The following SCTR variants were observed in gnomAD, a reference collection of about 807,000 sequenced individuals.
SCTR encodes pancreatic secretin receptor.
In SCTR, 56 loss-of-function variants were observed where a neutral mutation model predicts 60.8. The ratio of observed to expected loss-of-function variants is 0.92; its 90% CI spans 0.74 to 1.15. SCTR has a LOEUF of 1.15. Among genes scored for constraint, SCTR ranks in the 50% most tolerant of loss-of-function variants. The pLI is 0.00. For missense variants in SCTR, 562 were observed against 550.4 expected, an observed-to-expected ratio of 1.02 and a Z score of -0.21; for synonymous variants, 202 against 217.0, an observed-to-expected ratio of 0.93 and a Z score of 0.61.
chr2:119,463,579 A>G (rs116012703), intron 6 of SCTR, among the ~76,000 whole-genome samples: 49 of 152,240 alleles, frequency 3.2e-4, no homozygotes, highest in African/African-American at 1.2e-3. Context: ...TAAGACCCCA[A>G]TATATAGTTT....
intron 1 of SCTR, among the ~76,000 whole-genome samples, chr2:119,495,869 T>C (rs1678327346): frequency 6.6e-6 from 1 of 152,208 alleles, no homozygotes; most frequent in Non-Finnish European, 1.5e-5. Flanking sequence ...CCCAGCCAGC[T>C]CTAGGATCAT....
At chr2:119,441,730 C>CA (rs1340222526) in intron 11 of SCTR, 131 bp from the exon 12 acceptor site, 1 of 785,396 alleles carries the variant, frequency 1.3e-6, no homozygotes, top group Non-Finnish European at 2.1e-6. Flanking sequence ...TCTCTTGCCT[C>CA]ACTGGGAATT....
intron 1 of SCTR, among the ~76,000 whole-genome samples, chr2:119,505,885 A>G (rs1678724700): frequency 6.6e-6 from 1 of 152,234 alleles, no homozygotes; most frequent in African/African-American, 2.4e-5. Flanking sequence ...AAAGATATAC[A>G]GATGGCAAAC....
chr2:119,474,066 C>T (rs765900226), intron 3 of SCTR, among the ~76,000 whole-genome samples: 6 of 152,326 alleles, frequency 3.9e-5, no homozygotes, highest in East Asian at 1.9e-4. Flanking sequence ...GAGGGTCCTT[C>T]GGCCACGACC....
chr2:119,487,691 G>A (rs1158505173), intron 2 of SCTR, among the ~76,000 whole-genome samples: 2 of 152,164 alleles, frequency 1.3e-5, no homozygotes, highest in Non-Finnish European at 2.9e-5. Flanking sequence ...CTATTAGGGT[G>A]ACCCTGAAAC....
At chr2:119,507,663 CTTT>C (rs751779879) in intron 1 of SCTR, among the ~76,000 whole-genome samples, 4 of 114,786 alleles carry the variant, frequency 3.5e-5, no homozygotes, top group African/African-American at 1.3e-4. Context: ...CTTTCTCGTT[CTTT>C]TTTTTTTTTT....
At chr2:119,507,330 A>G (rs1250918468) in intron 1 of SCTR, among the ~76,000 whole-genome samples, 3 of 152,222 alleles carry the variant, frequency 2.0e-5, no homozygotes, top group African/African-American at 4.8e-5. Flanking sequence ...TCAGAGAAAA[A>G]TCTGGAAGAA....
chr2:119,517,001 G>A (rs866944128), intron 1 of SCTR, among the ~76,000 whole-genome samples: 2 of 151,934 alleles, frequency 1.3e-5, no homozygotes, highest in African/African-American at 2.4e-5. Context: ...ACACTGTATC[G>A]TACACTGGAA....
At chr2:119,472,959 C>T (rs549031318) in intron 4 of SCTR, among the ~76,000 whole-genome samples, 21 of 152,294 alleles carry the variant, frequency 1.4e-4, no homozygotes, top group African/African-American at 4.6e-4. Flanking sequence ...TTACTGTGAC[C>T]AGGCGCCCAA....
At chr2:119,511,384 T>C (rs954215552) in intron 1 of SCTR, among the ~76,000 whole-genome samples, 1 of 152,222 alleles carries the variant, frequency 6.6e-6, no homozygotes, top group Admixed American at 6.5e-5. Flanking sequence ...TAGTGAAGAA[T>C]GGTCTACATT....
Position 119,464,259 on chromosome 2 carries a change from C to T in SCTR, c.504-4G>A. The T allele has an allele frequency of 6.2e-7, 1 of 1,614,072 alleles. No homozygotes were observed. Among genetic ancestry groups the T allele is most frequent in the Non-Finnish European group, 8.5e-7 (1 of 1,179,988 alleles). The stretch of plus-strand genomic sequence containing the variant: ...GTTGCGAGTGCAGTGGAGCCTCCTG[C>T]AGGGAGAGAATGTAGGGACATAGAG... On this transcript the variant is annotated splice_polypyrimidine_tract_variant and splice_region_variant and intron_variant, in intron 5 of 12. Coordinates refer to ENST00000019103, the MANE Select transcript of SCTR (RefSeq NM_002980.3).
At chr2:119,441,460 A>G in intron 12 of SCTR, 98 bp downstream of exon 12, 1 of 954,908 alleles carries the variant, frequency 1.0e-6, no homozygotes. Flanking sequence ...GACCCTTTCC[A>G]TCCCCCTTCC....
intron 6 of SCTR, among the ~76,000 whole-genome samples, chr2:119,462,767 C>G (rs960717590): frequency 1.3e-5 from 2 of 152,208 alleles, no homozygotes; most frequent in Admixed American, 6.5e-5. Context: ...AAGACAAGCC[C>G]GAGAAGGAGG....
chr2:119,502,837 A>AG (rs890366190), intron 1 of SCTR, among the ~76,000 whole-genome samples: 2 of 150,994 alleles, frequency 1.3e-5, no homozygotes, highest in African/African-American at 4.9e-5. Flanking sequence ...AAAAAAAAAA[A>AG]GAAAGAAAGA....
rs1490774044 is a variant in SCTR at position 119,524,170 on chromosome 2, G to C, written c.57C>G (p.Ala19=). ...LQQLLLPVLL[A]CAAHSTGALP... ...CAGTACTCACCGAGTGCGCGGCGCA[G>C]GCGAGCAGCACCGGCAGTAGTAGCT... Residue 19 remains alanine (A), a synonymous_variant, in exon 1 of 13, where the codon GCC becomes GCG. Transcript: ENST00000019103. 8.5e-6 allele frequency: 13 copies of C among 1,536,618 alleles called. No homozygotes were observed. Among genetic ancestry groups the C allele is most frequent in the Non-Finnish European group, 1.1e-5 (12 of 1,140,470 alleles).
chr2:119,504,659 C>T (rs549495466), intron 1 of SCTR, among the ~76,000 whole-genome samples: 1 of 151,808 alleles, frequency 6.6e-6, no homozygotes, highest in Non-Finnish European at 1.5e-5. Flanking sequence ...AAATCTAAAG[C>T]TGCATAGAGT....
chr2:119,511,157 A>G (rs142313928), intron 1 of SCTR, among the ~76,000 whole-genome samples: 2,913 of 152,186 alleles, frequency 0.019, 49 homozygotes, highest in Non-Finnish European at 0.027. Context: ...GAGCCCAGAT[A>G]GCGCCACTGC....
intron 9 of SCTR, among the ~76,000 whole-genome samples, 182 bp from the exon 10 acceptor site, chr2:119,448,962 T>C (rs1216127283): frequency 6.6e-6 from 1 of 152,078 alleles, no homozygotes; most frequent in Non-Finnish European, 1.5e-5. Flanking sequence ...AAACACTGTC[T>C]AGAGTCCATG....
chr2:119,440,237 C>A lies in SCTR; in HGVS notation c.1203G>T (p.Lys401Asn), dbSNP rs776160913. 1.2e-6 allele frequency: 2 copies of A among 1,613,926 alleles called. No homozygotes were observed. The highest frequency in any genetic ancestry group is 1.7e-5 in the Admixed American group (1 of 60,014). The change falls in exon 13 of 13, where the codon AAG becomes AAT. Residue 401 changes from lysine to asparagine, a missense_variant. By Grantham distance (94) the Lys-to-Asn change is moderately conservative. Coordinates refer to ENST00000019103, the MANE Select transcript of SCTR (RefSeq NM_002980.3). ...CACGGAGGTGCCATTGCTGCCACTT[C>A]TTCTGAACCTCCAGCTGCACCTGCC... ...LNGEVQLEVQ[K>N]KWQQWHLREF...
Sources: allele counts gnomAD v4.1 joint callset (sites outside exome capture counted in the v4.1 genomes callset), GRCh38; gene constraint gnomAD v4.1.1; transcripts MANE v1.5; gene names NCBI Gene and HGNC (gene_info 2026-07-23, HGNC 2026-07-21).